The following SH3D19 variants were observed in gnomAD, a reference collection of about 807,000 sequenced individuals.
SH3D19 encodes the protein SH3 domain-containing protein 19.
Under a neutral mutation model 112.1 loss-of-function variants are expected in SH3D19, and 58 were observed. The observed-to-expected ratio is 0.52, with a 90% CI of 0.42 to 0.64. The LOEUF is 0.64. Ranked by LOEUF, SH3D19 falls within the 30% of genes least tolerant of loss-of-function variation. SH3D19 has a pLI of 0.00. For missense variants in SH3D19, 1,090 were observed against 1,263.4 expected (o/e 0.86, Z 2.08); for synonymous variants, 391 against 448.5 (o/e 0.87, Z 1.62).
intron 1 of SH3D19, chr4:151,266,356 T>C (rs561286805): frequency 6.6e-6 from 1 of 152,210 alleles, no homozygotes; most frequent in Non-Finnish European, 1.5e-5. Flanking sequence ...GAAAAACATG[T>C]TCTGTTATAG....
chr4:151,180,437 C>T (rs1172131667), intron 3 of SH3D19, among the ~76,000 whole-genome samples: 2 of 129,954 alleles, frequency 1.5e-5, no homozygotes, highest in East Asian at 2.3e-4. Flanking sequence ...GAGACAGTCT[C>T]GCTCTGTCGC....
At chr4:151,275,288 T>C (rs770995473) in intron 1 of SH3D19, among the ~76,000 whole-genome samples, 4 of 151,914 alleles carry the variant, frequency 2.6e-5, no homozygotes, top group Non-Finnish European at 4.4e-5. Context: ...GGGTTTTCAC[T>C]GTGTTAGCCA....
At chr4:151,150,338 C>T (rs917492071) in intron 9 of SH3D19, among the ~76,000 whole-genome samples, 1 of 137,782 alleles carries the variant, frequency 7.3e-6, no homozygotes, top group Middle Eastern at 3.8e-3. Context: ...TATATATATA[C>T]ACACACATAT....
rs1229131365 is a variant in SH3D19 at position 151,133,166 on chromosome 4, C to T, written c.2557G>A (p.Glu853Lys). 2 of 1,614,062 alleles carry T rather than the reference C, an allele frequency of 1.2e-6. No individual in the cohort carries two copies. Among genetic ancestry groups the T allele is most frequent in the Admixed American group, 3.3e-5 (2 of 60,012 alleles). Residue 853 changes from glutamate (E) to lysine (K), a missense_variant, in exon 16 of 20, where the codon GAA becomes AAA. Glu to Lys is a moderately conservative substitution (Grantham distance 56). Coordinates refer to ENST00000604030, the MANE Select transcript of SH3D19 (RefSeq NM_001378122.1). ...ACATACTCTTTAAGAATAATAATTT[C>T]TCCCTCTGAGAAACTCAACTCATCC... is the stretch of plus-strand genomic sequence containing the variant. ...QKDELSFSEGEIIILKEYVNE... is the reference protein window; with the variant it reads ...QKDELSFSEGKIIILKEYVNE...
chr4:151,314,214 G>A (rs11723291), intron 1 of SH3D19, among the ~76,000 whole-genome samples: 40,917 of 152,122 alleles, frequency 0.27, 6,199 homozygotes, highest in East Asian at 0.35. Context: ...TCAGAGCAGG[G>A]ACAACATCAC....
At chr4:151,254,926 A>C (rs377587579) in intron 1 of SH3D19, among the ~76,000 whole-genome samples, 47,590 of 136,224 alleles carry the variant, frequency 0.35, 9,898 homozygotes, top group Non-Finnish European at 0.46. Context: ...ACCTCCCGGG[A>C]GGGGCGGCTG....
chr4:151,148,283 A>G (rs943540768), intron 10 of SH3D19, 97 bp from the exon 11 acceptor site: 34 of 811,344 alleles, frequency 4.2e-5, no homozygotes, highest in Non-Finnish European at 5.8e-5. Context: ...ACACACACAC[A>G]CACACAGAGA....
intron 1 of SH3D19, among the ~76,000 whole-genome samples, chr4:151,246,055 A>G (rs1269722987): frequency 1.4e-5 from 1 of 71,420 alleles, no homozygotes; most frequent in African/African-American, 3.4e-5. Flanking sequence ...AAAAAAAAAA[A>G]AGGCTGAAAT....
chr4:151,125,551 G>GGAAA (rs1159578496), intron 19 of SH3D19, among the ~76,000 whole-genome samples: 1 of 149,850 alleles, frequency 6.7e-6, no homozygotes, highest in African/African-American at 2.5e-5. Flanking sequence ...GGGAAAGAAA[G>GGAAA]GAAAGAAAGA....
intron 1 of SH3D19, chr4:151,291,199 G>A: frequency 1.9e-6 from 3 of 1,613,842 alleles, no homozygotes; most frequent in Non-Finnish European, 2.5e-6. Context: ...ATTAGAATGT[G>A]GTAAATCTCT....
intron 8 of SH3D19, among the ~76,000 whole-genome samples, chr4:151,160,087 CTTTTT>C (rs1203320024): frequency 7.3e-6 from 1 of 137,542 alleles, no homozygotes. Context: ...TGTTTTATTT[CTTTTT>C]TTTTTTTTTT....
chr4:151,242,205 G>A (rs1191762281), intron 1 of SH3D19, among the ~76,000 whole-genome samples: 2 of 152,018 alleles, frequency 1.3e-5, no homozygotes, highest in African/African-American at 2.4e-5. Flanking sequence ...AAAAAGGTTT[G>A]TATTTTCAGT....
chr4:151,180,675 G>A (rs1302835128), intron 3 of SH3D19, among the ~76,000 whole-genome samples: 2 of 151,080 alleles, frequency 1.3e-5, no homozygotes, highest in African/African-American at 4.9e-5. Flanking sequence ...CAAAGTGCTG[G>A]CTTTACAGGT....
In SH3D19 at chr4:151,250,595, TCTATTTTA is replaced by T. The variant is rs1177574974; in HGVS notation, c.113-24517_113-24510del. On this transcript the variant is annotated intron_variant, in intron 1 of 19. Transcript: ENST00000604030. ...GTGGAGACAATAAGGAAGAAAACTT[TCTATTTTA>T]CCTTATACATTTCTCTGGTGTTGAA... Among the ~76,000 whole-genome samples the T allele has an allele frequency of 3.3e-5, 5 of 152,184 alleles. No homozygotes were observed. In the East Asian group the frequency reaches 9.6e-4, roughly 29 times the overall value.
intron 1 of SH3D19, among the ~76,000 whole-genome samples, chr4:151,242,766 A>G (rs1324868778): frequency 1.3e-5 from 2 of 152,204 alleles, no homozygotes; most frequent in South Asian, 2.1e-4. Flanking sequence ...GACATAAAGC[A>G]TCTGGTTATG....
intron 8 of SH3D19, among the ~76,000 whole-genome samples, chr4:151,162,710 T>G (rs1757373376): frequency 6.7e-6 from 1 of 150,204 alleles, no homozygotes; most frequent in South Asian, 2.2e-4. Flanking sequence ...TTCTCCTGCA[T>G]CAGCCAAGCG....
intron 14 of SH3D19, among the ~76,000 whole-genome samples, chr4:151,135,567 A>G (rs1751656391): frequency 6.6e-6 from 1 of 151,790 alleles, no homozygotes; most frequent in African/African-American, 2.4e-5. Flanking sequence ...AGCTGGGACT[A>G]CCGGTGTGCA....
At chr4:151,194,519 A>G (rs528948839) in intron 2 of SH3D19, among the ~76,000 whole-genome samples, 83 of 151,346 alleles carry the variant, frequency 5.5e-4, no homozygotes, top group Middle Eastern at 3.4e-3. Context: ...GTCTTTTTCA[A>G]TTCTCCTGCC....
chr4:151,268,217 G>T (rs528171846), intron 1 of SH3D19, among the ~76,000 whole-genome samples: 1 of 152,064 alleles, frequency 6.6e-6, no homozygotes, highest in Non-Finnish European at 1.5e-5. Flanking sequence ...ACAATGGGAC[G>T]TATTTATGTA....
Sources: allele counts gnomAD v4.1 joint callset (sites outside exome capture counted in the v4.1 genomes callset), GRCh38; gene constraint gnomAD v4.1.1; transcripts MANE v1.5; gene names NCBI Gene and HGNC (gene_info 2026-07-23, HGNC 2026-07-21).